The following SUPT20H variants were observed in gnomAD, a reference collection of about 807,000 sequenced individuals.
SUPT20H encodes SPT20 homolog, SAGA complex component.
In SUPT20H, 82 loss-of-function variants were observed where a neutral mutation model predicts 122.8. The ratio of observed to expected loss-of-function variants is 0.67; its 90% CI spans 0.56 to 0.80. The LOEUF is 0.80. Ranked by LOEUF, SUPT20H falls within the 30% of genes least tolerant of loss-of-function variation. The pLI is 0.00. For missense variants in SUPT20H, 831 were observed against 921.6 expected (o/e 0.90, Z 1.27); for synonymous variants, 291 against 313.0 (o/e 0.93, Z 0.74).
In SUPT20H at chr13:37,031,880, A is replaced by G; in HGVS notation, c.723T>C (p.Tyr241=). 6.3e-7 allele frequency: 1 copy of G among 1,591,044 alleles called. No homozygotes were observed. Among genetic ancestry groups the G allele is most frequent in the Non-Finnish European group, 8.5e-7 (1 of 1,173,260 alleles). The change falls in exon 11 of 26, where the codon TAT becomes TAC. Residue 241 remains tyrosine, a synonymous_variant. Transcript: ENST00000350612. ...GCTGCCGATTCAGAGAGGATCTGGA[A>G]TACCTCTTGAAACACCTGAAATATT... The part of the protein sequence containing the change: ...TRPMKRCFKR[Y]SRSSLNRQQD...
At chr13:37,056,604 A>G (rs573561374) in intron 1 of SUPT20H, among the ~76,000 whole-genome samples, 5 of 151,138 alleles carry the variant, frequency 3.3e-5, no homozygotes, top group Admixed American at 2.6e-4. Context: ...TTCACACACC[A>G]GGGCCTGTTT....
At chr13:37,030,222 C>T (rs971153518) in intron 12 of SUPT20H, among the ~76,000 whole-genome samples, 5 of 152,000 alleles carry the variant, frequency 3.3e-5, no homozygotes, top group African/African-American at 7.2e-5. Flanking sequence ...GAAATAAAAG[C>T]GGTCATGTAA....
chr13:37,019,799 A>C (rs897872441), intron 21 of SUPT20H, among the ~76,000 whole-genome samples: 5 of 152,202 alleles, frequency 3.3e-5, no homozygotes, highest in Admixed American at 3.3e-4. Context: ...TAATAATCAT[A>C]TCTCTAAGAA....
rs2059227550 is a variant in SUPT20H, at chr13:37,009,596, A to T, written c.*76T>A. 6.3e-7 allele frequency: 1 copy of T among 1,575,366 alleles called. No homozygotes were observed. The highest frequency in any genetic ancestry group is 1.3e-5 in the African/African-American group (1 of 74,090). On this transcript the variant is annotated 3_prime_UTR_variant, in exon 26 of 26. Coordinates refer to ENST00000350612, the MANE Select transcript of SUPT20H (RefSeq NM_001014286.3). ...GTAAAATACTGACACATTAAAAAAA[A>T]CAAAAAGTAGAAACTCAATTCTTTT...
At chr13:37,045,108 G>T (rs997307563) in intron 6 of SUPT20H, 139 bp downstream of exon 6, 13 of 1,035,422 alleles carry the variant, frequency 1.3e-5, no homozygotes, top group Non-Finnish European at 1.7e-5. Flanking sequence ...AGAAAACTGG[G>T]ATCAAAATCT....
intron 14 of SUPT20H, 69 bp from the exon 15 acceptor site, chr13:37,026,885 T>A: frequency 1.0e-6 from 1 of 1,003,788 alleles, no homozygotes; most frequent in Non-Finnish European, 1.4e-6. Context: ...GTTTATTAAA[T>A]AAAGTATTTT....
intron 2 of SUPT20H, among the ~76,000 whole-genome samples, 182 bp from the exon 3 acceptor site, chr13:37,048,781 T>G (rs1033842878): frequency 6.6e-6 from 1 of 152,140 alleles, no homozygotes; most frequent in African/African-American, 2.4e-5. Context: ...CTTGGGCACC[T>G]GATTACTAAC....
At chr13:37,045,855 A>G (rs1235399883) in intron 5 of SUPT20H, among the ~76,000 whole-genome samples, 1 of 152,154 alleles carries the variant, frequency 6.6e-6, no homozygotes, top group Non-Finnish European at 1.5e-5. Flanking sequence ...CAAGTTCAAC[A>G]GCTCTAAGCT....
Position 37,024,145 on chromosome 13 carries a change from G to T in SUPT20H, c.1481C>A (p.Thr494Asn). 1 of 1,613,798 alleles carries T rather than the reference G, an allele frequency of 6.2e-7. No individual in the cohort carries two copies. Among genetic ancestry groups the T allele is most frequent in the Non-Finnish European group, 8.5e-7 (1 of 1,179,782 alleles). Residue 494 changes from threonine (T) to asparagine (N), a missense_variant, in exon 19 of 26, where the codon ACT becomes AAT. Thr to Asn is a moderately conservative substitution (Grantham distance 65, BLOSUM62 0). Transcript: ENST00000350612. ...TGATGGCTTAGAAGAAGGAGGAGGAGTTGGAGATTTGAGAAAGCTGCTTGT... is the reference window on the plus strand; with the variant it reads ...TGATGGCTTAGAAGAAGGAGGAGGATTTGGAGATTTGAGAAAGCTGCTTGT... ...QQTSSFLKSPTPPPSSKPSSI... is the reference protein window; with the variant it reads ...QQTSSFLKSPNPPPSSKPSSI...
At chr13:37,011,252 T>C (rs1457897681) in intron 24 of SUPT20H, among the ~76,000 whole-genome samples, 6 of 132,440 alleles carry the variant, frequency 4.5e-5, no homozygotes, top group Admixed American at 4.1e-4. Flanking sequence ...TGGCAGTCTG[T>C]GGCTAAGAAC....
chr13:37,013,824 CATT>C (rs1288810760), intron 23 of SUPT20H: 1 of 151,974 alleles, frequency 6.6e-6, no homozygotes. Context: ...AAGGAGGACA[CATT>C]ATTGAATTTG....
At chr13:37,059,183 C>G (rs2070036399) in intron 1 of SUPT20H, 2 of 152,262 alleles carry the variant, frequency 1.3e-5, no homozygotes, top group South Asian at 4.1e-4. Context: ...TTTGTCACAA[C>G]TTAGGCTTTA....
intron 1 of SUPT20H, among the ~76,000 whole-genome samples, chr13:37,053,531 G>T (rs1372710723): frequency 3.3e-5 from 5 of 151,970 alleles, no homozygotes; most frequent in Non-Finnish European, 7.4e-5. Flanking sequence ...TGGGGGGTTG[G>T]GGGAAAGGGG....
chr13:37,009,396 C>T lies in SUPT20H; in HGVS notation c.*276G>A. 1.3e-6 allele frequency: 1 copy of T among 764,552 alleles called. No homozygotes were observed. 47.4% of individuals were successfully genotyped at this position (764,552 alleles called of 1,614,324 possible). A position where few individuals can be genotyped will look rare whatever the true frequency, so the allele number is the denominator to read the frequency against. On this transcript the variant is annotated 3_prime_UTR_variant, in exon 26 of 26. Coordinates refer to ENST00000350612, the MANE Select transcript of SUPT20H (RefSeq NM_001014286.3). ...TAAATAAATATCAAACTACATTCTT[C>T]TGAAAGATGTTTCTATTATTTCTTA...
chr13:37,021,941 A>T, intron 20 of SUPT20H, 70 bp downstream of exon 20: 1 of 1,484,078 alleles, frequency 6.7e-7, no homozygotes, highest in South Asian at 1.4e-5. Context: ...AATTTCACAC[A>T]TTAAGAATTT....
At chr13:37,042,170 G>A (rs956351704) in intron 7 of SUPT20H, among the ~76,000 whole-genome samples, 1 of 152,302 alleles carries the variant, frequency 6.6e-6, no homozygotes, top group Non-Finnish European at 1.5e-5. Flanking sequence ...AAGAGAGACT[G>A]GCATTTGCTG....
chr13:37,042,780 A>G (rs2065736906), intron 7 of SUPT20H, among the ~76,000 whole-genome samples: 1 of 152,186 alleles, frequency 6.6e-6, no homozygotes, highest in African/African-American at 2.4e-5. Context: ...AAATTCTTTG[A>G]GTAGCGTGGC....
chr13:37,022,481 C>T lies in SUPT20H; in HGVS notation c.1592-401G>A. On this transcript the variant is annotated intron_variant, in intron 19 of 25. Coordinates refer to ENST00000350612, the MANE Select transcript of SUPT20H (RefSeq NM_001014286.3). The surrounding 1 kb of genome is among the most constrained non-coding windows in gnomAD (Gnocchi z 4.5). ...TTCTACACATGATACATGAGTGTTGCTACACTCAATTACAATTAAGGATGC... is the reference window on the plus strand; with the variant it reads ...TTCTACACATGATACATGAGTGTTGTTACACTCAATTACAATTAAGGATGC... 3 of 1,260,072 alleles carry T rather than the reference C, an allele frequency of 2.4e-6. No homozygotes were observed. The highest frequency in any genetic ancestry group is 3.1e-5 in the African/African-American group (2 of 64,692). The allele number at this position is 1,260,072 out of a possible 1,614,324, so 78.1% of individuals were successfully genotyped here.
chr13:37,012,198 C>G lies in SUPT20H; in HGVS notation c.2092G>C (p.Ala698Pro). The change falls in exon 24 of 26, where the codon GCA (alanine) becomes CCA (proline). Residue 698 changes from alanine to proline, a missense_variant. Transcript: ENST00000350612. ...TGVGSFMQSQ[A>P]AVLSQLGSAE... ...AAGTTATGAAGATACCTACCAGCTG[C>G]CTGTGACTGCATAAAACTTCCTACT... The G allele has an allele frequency of 6.2e-7, 1 of 1,612,222 alleles. No homozygotes were observed. The highest frequency in any genetic ancestry group is 8.5e-7 in the Non-Finnish European group (1 of 1,178,536).
Sources: allele counts gnomAD v4.1 joint callset (sites outside exome capture counted in the v4.1 genomes callset), GRCh38; gene constraint gnomAD v4.1.1; non-coding constraint Gnocchi (gnomAD v3.1); transcripts MANE v1.5; gene names NCBI Gene and HGNC (gene_info 2026-07-23, HGNC 2026-07-21).